ST18: variants seen among roughly 807,000 people sequenced by gnomAD.
ST18 encodes the protein suppression of tumorigenicity 18 protein.
ST18 carries 50 observed loss-of-function variants against 110.0 expected under a neutral mutation model. That is an observed-to-expected ratio of 0.45 (90% confidence interval 0.36 to 0.58). The LOEUF (loss-of-function observed/expected upper bound fraction) is 0.58, where lower values mean the gene tolerates loss of function less well. Ranked by LOEUF, ST18 falls within the 20% of genes least tolerant of loss-of-function variation. The probability of loss-of-function intolerance (pLI) is 0.00; values close to 1 mark genes in which losing one functional copy is unlikely to be tolerated. For synonymous variants in ST18, 461 were observed against 452.4 expected, an observed-to-expected ratio of 1.02 and a Z score of -0.24; for missense variants, 1,306 against 1,280.1, an observed-to-expected ratio of 1.02 and a Z score of -0.31.
intron 23 of ST18, among the ~76,000 whole-genome samples, chr8:52,122,982 A>G (rs2130956692): frequency 6.6e-6 from 1 of 152,256 alleles, no homozygotes. Context: ...GGAGCTCCTA[A>G]ATGCAAGACC....
intron 2 of ST18, chr8:52,296,254 G>A (rs1475526481): frequency 1.3e-5 from 2 of 152,082 alleles, no homozygotes; most frequent in Non-Finnish European, 2.9e-5. Context: ...TTTCCCCTAC[G>A]GTTGTTTGAT....
chr8:52,283,825 C>A (rs1280079173), intron 2 of ST18, among the ~76,000 whole-genome samples: 1 of 152,172 alleles, frequency 6.6e-6, no homozygotes, highest in Non-Finnish European at 1.5e-5. Context: ...TTTGCAATTT[C>A]TTTGGTAAAA....
intron 2 of ST18, among the ~76,000 whole-genome samples, chr8:52,277,950 T>C (rs1160583605): frequency 6.6e-6 from 1 of 152,184 alleles, no homozygotes; most frequent in Non-Finnish European, 1.5e-5. Flanking sequence ...AAATGGGTAA[T>C]TGGAGTCAAC....
chr8:52,222,687 C>A (rs977012406), intron 3 of ST18, among the ~76,000 whole-genome samples: 2 of 152,164 alleles, frequency 1.3e-5, no homozygotes, highest in East Asian at 1.9e-4. Flanking sequence ...AAGGAATCTG[C>A]GACTGACATC....
chr8:52,363,082 G>C (rs1314821062), intron 2 of ST18, among the ~76,000 whole-genome samples: 3 of 152,124 alleles, frequency 2.0e-5, no homozygotes, highest in Non-Finnish European at 4.4e-5. Context: ...CATGGTGGCG[G>C]GTGCCTGTAG....
At chr8:52,247,134 T>C (rs2093926380) in intron 2 of ST18, among the ~76,000 whole-genome samples, 1 of 152,172 alleles carries the variant, frequency 6.6e-6, no homozygotes, top group Non-Finnish European at 1.5e-5. Context: ...TACAGTCCTC[T>C]GAACTAAGTA....
At chr8:52,163,556 T>C (rs954831606) in intron 13 of ST18, among the ~76,000 whole-genome samples, 1 of 152,138 alleles carries the variant, frequency 6.6e-6, no homozygotes, top group African/African-American at 2.4e-5. Flanking sequence ...TTATATGTGT[T>C]TGTGGAACTG....
intron 7 of ST18, 49 bp downstream of exon 7, chr8:52,214,154 T>G: frequency 1.3e-6 from 2 of 1,589,894 alleles, no homozygotes; most frequent in Non-Finnish European, 1.7e-6. Flanking sequence ...AACGCTCATA[T>G]TTCATGGTGT....
intron 2 of ST18, among the ~76,000 whole-genome samples, chr8:52,311,845 G>C (rs149913194): frequency 6.6e-6 from 1 of 152,178 alleles, no homozygotes; most frequent in Admixed American, 6.5e-5. Context: ...CTTTGGGGAT[G>C]ACAGTTCAAC....
chr8:52,342,048 C>T (rs1278482902), intron 2 of ST18, among the ~76,000 whole-genome samples: 1 of 152,196 alleles, frequency 6.6e-6, no homozygotes, highest in Non-Finnish European at 1.5e-5. Flanking sequence ...CAGTTAATAA[C>T]AGTATACTGA....
At chr8:52,169,542 T>C (rs1488905049) in intron 10 of ST18, among the ~76,000 whole-genome samples, 1 of 152,218 alleles carries the variant, frequency 6.6e-6, no homozygotes, top group Non-Finnish European at 1.5e-5. Context: ...TTGAGTTTTC[T>C]CCTTAACAGT....
At chr8:52,351,133 T>C (rs1820132778) in intron 2 of ST18, among the ~76,000 whole-genome samples, 1 of 152,334 alleles carries the variant, frequency 6.6e-6, no homozygotes, top group South Asian at 2.1e-4. Context: ...TAAATAAATA[T>C]CAAAATATAT....
intron 19 of ST18, among the ~76,000 whole-genome samples, chr8:52,136,074 A>G (rs1007752736): frequency 2.6e-5 from 4 of 152,242 alleles, no homozygotes; most frequent in Admixed American, 2.6e-4. Context: ...TATTAAAAGA[A>G]GATGAGCAGG....
At chr8:52,325,401 T>C (rs1422271276) in intron 2 of ST18, among the ~76,000 whole-genome samples, 1 of 152,154 alleles carries the variant, frequency 6.6e-6, no homozygotes, top group African/African-American at 2.4e-5. Context: ...CCTGAATCCA[T>C]ATTGCTTACA....
At chr8:52,365,786 C>A (rs1827668871) in intron 2 of ST18, among the ~76,000 whole-genome samples, 1 of 152,022 alleles carries the variant, frequency 6.6e-6, no homozygotes, top group African/African-American at 2.4e-5. Flanking sequence ...ACAGCCTCGA[C>A]CTCACAGGCT....
chr8:52,246,037 C>T (rs1050466820), intron 2 of ST18, among the ~76,000 whole-genome samples: 6 of 152,012 alleles, frequency 3.9e-5, no homozygotes, highest in Non-Finnish European at 5.9e-5. Flanking sequence ...AAGAGTAATA[C>T]ATTTTTGCCT....
intron 8 of ST18, among the ~76,000 whole-genome samples, chr8:52,181,939 TAGGAACCTCTTGAACCTCC>T (rs1563919176): frequency 6.6e-6 from 1 of 152,104 alleles, no homozygotes; most frequent in East Asian, 1.9e-4. Flanking sequence ...AGAGAAACTC[TAGGAACCTCTTGAACCTCC>T]TGAAGAGAGT....
intron 2 of ST18, among the ~76,000 whole-genome samples, chr8:52,366,996 G>A (rs1055046832): frequency 6.6e-6 from 1 of 152,156 alleles, no homozygotes; most frequent in Non-Finnish European, 1.5e-5. Context: ...ACTTTGGGGG[G>A]CTGAGGCGTG....
intron 23 of ST18, among the ~76,000 whole-genome samples, chr8:52,120,380 T>C (rs1248481142): frequency 6.6e-6 from 1 of 152,212 alleles, no homozygotes; most frequent in Non-Finnish European, 1.5e-5. Context: ...TTACATAATA[T>C]CTGGTGAGGC....
Sources: gnomAD v4.1 joint callset for allele counts (sites outside exome capture counted in the v4.1 genomes callset) on GRCh38, gnomAD v4.1.1 for gene constraint, MANE v1.5 for transcripts, NCBI Gene and HGNC (gene_info 2026-07-23, HGNC 2026-07-21) for gene names.